Variants in LEPR observed in about 807,000 individuals in gnomAD.
The protein encoded by LEPR is OB receptor.
A neutral mutation model predicts 114.7 loss-of-function variants in LEPR; 56 were observed. The observed-to-expected ratio is 0.49, with a 90% CI of 0.39 to 0.61. The LOEUF (loss-of-function observed/expected upper bound fraction) is 0.61. Among genes scored for constraint, LEPR ranks in the 20% least tolerant of loss-of-function variants. The pLI, the probability that LEPR is intolerant of heterozygous loss-of-function variation, is 0.00. For missense variants in LEPR, 1,202 were observed against 1,352.9 expected (o/e 0.89, Z 1.75); for synonymous variants, 443 against 461.4 (o/e 0.96, Z 0.51).
chr1:65,472,039 C>T (rs770404018), intron 2 of LEPR, among the ~76,000 whole-genome samples: 1 of 152,120 alleles, frequency 6.6e-6, no homozygotes, highest in Non-Finnish European at 1.5e-5. Context: ...CTTTTCATCA[C>T]CTCAGAAGAA....
chr1:65,535,868 T>G (rs371341463), intron 2 of LEPR, among the ~76,000 whole-genome samples: 1 of 152,208 alleles, frequency 6.6e-6, no homozygotes, highest in South Asian at 2.1e-4. Context: ...TTATTAATAC[T>G]TACAATGTGC....
Position 65,528,567 on chromosome 1 carries a change from A to G in LEPR, c.-20-36979A>G, listed in dbSNP as rs756821249. On this transcript the variant is annotated intron_variant, in intron 2 of 19. Transcript: ENST00000349533. The stretch of plus-strand genomic sequence containing the variant: ...TATTTAAAATATTTTAAAACTACAA[A>G]TCTTATATAAATATAAATAAAATCT... Among the ~76,000 whole-genome samples the G allele has an allele frequency of 1.3e-3, 192 of 152,148 alleles. 1 individual carries two copies. Among genetic ancestry groups the G allele is most frequent in the Non-Finnish European group, 2.1e-3 (141 of 67,994 alleles).
chr1:65,509,912 A>G (rs1453762509), intron 2 of LEPR, among the ~76,000 whole-genome samples: 1 of 152,180 alleles, frequency 6.6e-6, no homozygotes, highest in African/African-American at 2.4e-5. Flanking sequence ...ATTACAATCC[A>G]AACACAAGCT....
chr1:65,582,305 C>T (rs1377369553), intron 5 of LEPR, among the ~76,000 whole-genome samples: 2 of 152,178 alleles, frequency 1.3e-5, no homozygotes, highest in African/African-American at 4.8e-5. Context: ...ACAAATACTG[C>T]ACTGAAGGTG....
intron 12 of LEPR, 140 bp from the exon 13 acceptor site, chr1:65,609,807 T>C: frequency 8.2e-7 from 1 of 1,216,994 alleles, no homozygotes; most frequent in Admixed American, 1.8e-5. Context: ...TAATTGTGAC[T>C]ATTTCTGAAG....
intron 5 of LEPR, among the ~76,000 whole-genome samples, chr1:65,582,424 CA>C (rs1285376039): frequency 6.6e-6 from 1 of 152,190 alleles, no homozygotes; most frequent in Non-Finnish European, 1.5e-5. Context: ...CTGAGGGCCT[CA>C]GTTCCTCCCT....
chr1:65,601,860 T>C lies in LEPR; in HGVS notation c.1303T>C (p.Ser435Pro), dbSNP rs779302458. ...LYVIDVNINI[S>P]CETDGYLTKM... The stretch of plus-strand genomic sequence containing the variant: ...TCAAATAGATGTCAATATCAATATC[T>C]CATGTGAAACTGATGGGTACTTAAC... The change falls in exon 10 of 20, where the codon TCA becomes CCA. Residue 435 changes from serine to proline, a missense_variant. Transcript: ENST00000349533. 13 of 1,613,146 alleles carry C rather than the reference T, an allele frequency of 8.1e-6. No individual in the cohort carries two copies. The highest frequency in any genetic ancestry group is 1.1e-5 in the Non-Finnish European group (13 of 1,179,342).
Position 65,629,465 on chromosome 1 carries a change from A to G in LEPR, c.2673+6484A>G, listed in dbSNP as rs1409454166. 4 of 330,370 alleles carry G rather than the reference A, an allele frequency of 1.2e-5. No individual in the cohort carries two copies. In the East Asian group the frequency reaches 4.1e-4, roughly 34 times the overall value. The allele number at this position is 330,370 out of a possible 1,614,324, so 20.5% of individuals were successfully genotyped here. A position where few individuals can be genotyped will look rare whatever the true frequency, so the allele number is the denominator to read the frequency against. ...CTTACTGAACCAAGTATTTAATAAT[A>G]TGTGATTACACTTCTCAGTGGTTCC... On this transcript the variant is annotated intron_variant, in intron 19 of 19. Transcript: ENST00000349533.
intron 5 of LEPR, among the ~76,000 whole-genome samples, chr1:65,585,865 C>A (rs545858194): frequency 1.3e-5 from 2 of 151,882 alleles, no homozygotes; most frequent in African/African-American, 4.8e-5. Flanking sequence ...TTCTTAACTT[C>A]TTATACTGAC....
At chr1:65,529,971 C>G (rs1650270340) in intron 2 of LEPR, among the ~76,000 whole-genome samples, 1 of 152,156 alleles carries the variant, frequency 6.6e-6, no homozygotes, top group South Asian at 2.1e-4. Context: ...CATGCAATCT[C>G]TCTATGTGTG....
At chr1:65,480,272 T>C (rs1322260304) in intron 2 of LEPR, among the ~76,000 whole-genome samples, 2 of 151,906 alleles carry the variant, frequency 1.3e-5, no homozygotes, top group African/African-American at 4.8e-5. Context: ...CGTATCGAGA[T>C]GGTTTTTGAG....
intron 5 of LEPR, among the ~76,000 whole-genome samples, chr1:65,582,892 T>C (rs1394400545): frequency 6.6e-6 from 1 of 152,194 alleles, no homozygotes; most frequent in African/African-American, 2.4e-5. Flanking sequence ...CCCATTTCAC[T>C]ACTTCTTTTA....
chr1:65,520,353 C>G (rs1327851410), intron 2 of LEPR, among the ~76,000 whole-genome samples: 1 of 152,126 alleles, frequency 6.6e-6, no homozygotes, highest in Non-Finnish European at 1.5e-5. Flanking sequence ...AGCATTTACC[C>G]CAAGATAACT....
chr1:65,604,893 G>A, intron 10 of LEPR, 145 bp from the exon 11 acceptor site: 2 of 874,536 alleles, frequency 2.3e-6, no homozygotes, highest in South Asian at 3.4e-5. Flanking sequence ...TCCCCCATTA[G>A]TGGAAAAATT....
chr1:65,432,630 A>G, intron 2 of LEPR: 1 of 985,208 alleles, frequency 1.0e-6, no homozygotes, highest in Non-Finnish European at 1.2e-6. Context: ...TCAAGCCTAT[A>G]ATATTTAGGC....
chr1:65,467,164 G>A (rs1647025056), intron 2 of LEPR, among the ~76,000 whole-genome samples: 1 of 152,072 alleles, frequency 6.6e-6, no homozygotes, highest in Non-Finnish European at 1.5e-5. Context: ...CATCTTTGTG[G>A]TTTTATCTAC....
intron 2 of LEPR, among the ~76,000 whole-genome samples, chr1:65,518,190 T>A (rs180847599): frequency 6.6e-6 from 1 of 152,344 alleles, no homozygotes; most frequent in African/African-American, 2.4e-5. Flanking sequence ...CCAATAGCTT[T>A]CTTTTGTCTT....
chr1:65,517,744 T>G (rs576153824), intron 2 of LEPR, among the ~76,000 whole-genome samples: 1 of 152,352 alleles, frequency 6.6e-6, no homozygotes, highest in South Asian at 2.1e-4. Flanking sequence ...ACATTCCTGA[T>G]GAACATAATT....
chr1:65,436,079 G>A (rs1354346556), intron 2 of LEPR: 1 of 984,636 alleles, frequency 1.0e-6, no homozygotes, highest in Non-Finnish European at 1.2e-6. Context: ...ATTTGGAAAG[G>A]AGATCAGCAA....
Sources: gnomAD v4.1 joint callset for allele counts (sites outside exome capture counted in the v4.1 genomes callset) on GRCh38, gnomAD v4.1.1 for gene constraint, MANE v1.5 for transcripts, NCBI Gene and HGNC (gene_info 2026-07-23, HGNC 2026-07-21) for gene names.